Variants in PSD3 observed in about 807,000 individuals in gnomAD.
PSD3 encodes the protein PH and SEC7 domain-containing protein 3.
PSD3 carries 49 observed loss-of-function variants against 105.5 expected under a neutral mutation model. The ratio of observed to expected loss-of-function variants is 0.46; its 90% CI spans 0.37 to 0.59. The LOEUF is 0.59. PSD3 is among the 20% of genes least tolerant of loss of function. The pLI, the probability that PSD3 is intolerant of heterozygous loss-of-function variation, is 0.00. For synonymous variants in PSD3, 557 were observed against 457.8 expected (o/e 1.22, Z -2.77); for missense variants, 1,561 against 1,263.8 (o/e 1.24, Z -3.57).
chr8:18,609,599 G>C (rs1805106168), intron 11 of PSD3, among the ~76,000 whole-genome samples: 1 of 152,174 alleles, frequency 6.6e-6, no homozygotes, highest in South Asian at 2.1e-4. Context: ...AAAGTATGTA[G>C]CCTAAAGCAT....
At chr8:18,781,803 T>G (rs1453370862) in intron 8 of PSD3, among the ~76,000 whole-genome samples, 1 of 152,208 alleles carries the variant, frequency 6.6e-6, no homozygotes, top group Non-Finnish European at 1.5e-5. Flanking sequence ...TCTATGCCAT[T>G]ACCCATCTGT....
At chr8:18,811,561 T>C (rs559491098) in intron 4 of PSD3, among the ~76,000 whole-genome samples, 5 of 152,234 alleles carry the variant, frequency 3.3e-5, no homozygotes, top group African/African-American at 1.2e-4. Flanking sequence ...GGAACCCTAA[T>C]TTGGGGATGA....
intron 1 of PSD3, among the ~76,000 whole-genome samples, chr8:19,037,136 C>G (rs1198613464): frequency 6.6e-6 from 1 of 152,234 alleles, no homozygotes; most frequent in Non-Finnish European, 1.5e-5. Flanking sequence ...ATTTTGATCG[C>G]TTAAGCCTGA....
intron 2 of PSD3, 77 bp downstream of exon 2, chr8:18,935,957 C>T (rs1586469583): frequency 3.5e-6 from 3 of 859,182 alleles, no homozygotes; most frequent in East Asian, 2.5e-5. Context: ...GAAAGTAATG[C>T]AGGTGGAGAA....
intron 2 of PSD3, among the ~76,000 whole-genome samples, chr8:18,903,829 G>A (rs927054821): frequency 3.3e-5 from 5 of 152,088 alleles, no homozygotes; most frequent in Non-Finnish European, 7.4e-5. Flanking sequence ...GGGACATGTG[G>A]CACCCTCCAA....
At position 18,795,069 on chromosome 8, in the gene PSD3, A is replaced by C. The variant is rs896198988; in HGVS notation, c.2082+4226T>G. On this transcript the variant is annotated intron_variant, in intron 8 of 15. Coordinates refer to ENST00000327040, the MANE Select transcript of PSD3 (RefSeq NM_015310.4). Reference sequence around the variant, plus strand: ...AGAAAAGAAATAATGAATTCTTACAATCTATCTCACACTGAACTCCACATT... The same window carrying C: ...AGAAAAGAAATAATGAATTCTTACACTCTATCTCACACTGAACTCCACATT... Among the ~76,000 whole-genome samples, 5 of 152,334 alleles carry C rather than the reference A, an allele frequency of 3.3e-5. No individual in the cohort carries two copies. In the East Asian group the frequency reaches 7.7e-4, roughly 23 times the overall value.
chr8:18,683,010 TGTGGAGTGGGA>T (rs1800471728), intron 9 of PSD3, among the ~76,000 whole-genome samples: 1 of 152,212 alleles, frequency 6.6e-6, no homozygotes, highest in Non-Finnish European at 1.5e-5. Context: ...TTTTTAAACC[TGTGGAGTGGGA>T]GTGTTTCTGA....
chr8:19,014,550 C>T (rs756588880), upstream of PSD3: 29 of 152,402 alleles, frequency 1.9e-4, no homozygotes, highest in Non-Finnish European at 5.9e-5. This position sits in a 1 kb window ranked among gnomAD's most constrained non-coding sequence, Gnocchi z 4.9. Flanking sequence ...ATCTTTCCCC[C>T]TGGGAGGTCC....
At chr8:18,630,320 G>A (rs1291528878) in intron 11 of PSD3, among the ~76,000 whole-genome samples, 1 of 151,932 alleles carries the variant, frequency 6.6e-6, no homozygotes, top group Non-Finnish European at 1.5e-5. Context: ...TGTCTGTGAT[G>A]TCTCAACTGC....
At chr8:18,848,998 G>A (rs1473175562) in intron 4 of PSD3, among the ~76,000 whole-genome samples, 1 of 152,176 alleles carries the variant, frequency 6.6e-6, no homozygotes, top group Admixed American at 6.5e-5. Flanking sequence ...TGCTTCCAAA[G>A]GTCAAGATGT....
In PSD3 at chr8:18,871,976, G is replaced by A; in HGVS notation, c.888C>T (p.Val296=). ...RSSSMGRPGR[V]KHVEFQGVEI... is the part of the protein sequence containing the mutation. ...CCACTCCTTGAAATTCCACATGTTT[G>A]ACCCGGCCTGGGCGTCCCATGGAGC... Residue 296 remains valine, a synonymous_variant, in exon 3 of 16, where the codon GTC becomes GTT. Transcript: ENST00000327040. 6.2e-7 allele frequency: 1 copy of A among 1,614,082 alleles called. No individual in the cohort carries two copies. Among genetic ancestry groups the A allele is most frequent in the Non-Finnish European group, 8.5e-7 (1 of 1,180,002 alleles).
At chr8:18,751,243 C>A (rs543600065) in intron 9 of PSD3, among the ~76,000 whole-genome samples, 8 of 152,330 alleles carry the variant, frequency 5.3e-5, no homozygotes, top group African/African-American at 1.9e-4. Context: ...TGGGCCGGCA[C>A]TGCTGGGGGA....
intron 11 of PSD3, among the ~76,000 whole-genome samples, chr8:18,622,667 T>C (rs1806198906): frequency 6.6e-6 from 1 of 152,304 alleles, no homozygotes; most frequent in Admixed American, 6.5e-5. Context: ...GTGAAATAAT[T>C]ACCACAAGGA....
chr8:18,891,632 C>T (rs991524675), intron 2 of PSD3, among the ~76,000 whole-genome samples: 1 of 152,142 alleles, frequency 6.6e-6, no homozygotes, highest in African/African-American at 2.4e-5. Context: ...TCCGAGAGCA[C>T]TTCCCCAGAA....
At chr8:18,790,752 C>T (rs552996217) in intron 8 of PSD3, among the ~76,000 whole-genome samples, 1 of 129,768 alleles carries the variant, frequency 7.7e-6, no homozygotes, top group East Asian at 2.3e-4. Flanking sequence ...TAGCCCTGAT[C>T]CTTCTCTTAG....
intron 1 of PSD3, among the ~76,000 whole-genome samples, chr8:19,046,345 C>G (rs751147785): frequency 2.6e-5 from 4 of 152,008 alleles, no homozygotes; most frequent in Non-Finnish European, 5.9e-5. Flanking sequence ...CTCCTGACCT[C>G]GTGATCTGCC....
chr8:19,001,377 G>A (rs532409964), intron 1 of PSD3, among the ~76,000 whole-genome samples: 3 of 151,708 alleles, frequency 2.0e-5, no homozygotes, highest in Admixed American at 6.6e-5. Flanking sequence ...GGAAATTTTC[G>A]ATACACCTCC....
chr8:18,774,720 G>A (rs1481479610), intron 8 of PSD3: 2 of 361,370 alleles, frequency 5.5e-6, no homozygotes, highest in African/African-American at 2.1e-5. Flanking sequence ...CCTGAGGTTT[G>A]TTTTCTGAGT....
intron 1 of PSD3, among the ~76,000 whole-genome samples, chr8:19,071,325 C>A (rs1262764977): frequency 1.7e-5 from 2 of 116,018 alleles, no homozygotes; most frequent in Non-Finnish European, 3.8e-5. Flanking sequence ...ACCTCGGCCT[C>A]CTAATCTTTT....
Sources: gnomAD v4.1 joint callset for allele counts (sites outside exome capture counted in the v4.1 genomes callset) on GRCh38, gnomAD v4.1.1 for gene constraint, Gnocchi (gnomAD v3.1) non-coding constraint, MANE v1.5 for transcripts, NCBI Gene and HGNC (gene_info 2026-07-23, HGNC 2026-07-21) for gene names.